Variants in AMZ1 observed in about 807,000 individuals in gnomAD.
AMZ1 encodes the protein archaelysin family metallopeptidase 1.
AMZ1 carries 39 observed loss-of-function variants against 29.9 expected under a neutral mutation model. The observed-to-expected ratio is 1.30, with a 90% CI of 1.01 to 1.70. AMZ1 has a LOEUF of 1.70. AMZ1 is among the 40% of genes most tolerant of loss of function. The pLI is 0.00. For missense variants in AMZ1, 1,041 were observed against 680.6 expected, an observed-to-expected ratio of 1.53 and a Z score of -5.89; for synonymous variants, 458 against 304.0, an observed-to-expected ratio of 1.51 and a Z score of -5.27.
intron 1 of AMZ1, among the ~76,000 whole-genome samples, chr7:2,682,883 G>A (rs1786935456): frequency 6.6e-6 from 1 of 152,210 alleles, no homozygotes; most frequent in African/African-American, 2.4e-5. Flanking sequence ...CCTTCCACCT[G>A]GCACACCCCC....
At chr7:2,681,962 C>T (rs1306772308) in intron 1 of AMZ1, among the ~76,000 whole-genome samples, 10 of 152,048 alleles carry the variant, frequency 6.6e-5, no homozygotes, top group Non-Finnish European at 7.4e-5. Context: ...GCCCAAACAG[C>T]GGAGGAGGGG....
At chr7:2,762,368 C>G (rs955688141), upstream of AMZ1, 1 of 426,112 alleles carries the variant, frequency 2.3e-6, no homozygotes, top group Admixed American at 4.5e-5. Context: ...AATCCAGACA[C>G]GGTATGGCGG....
At chr7:2,685,672 G>A (rs964020571), upstream of AMZ1, among the ~76,000 whole-genome samples, 2 of 151,810 alleles carry the variant, frequency 1.3e-5, no homozygotes, top group African/African-American at 2.4e-5. Context: ...GGCCAACATG[G>A]TGAAACCCCA....
Position 2,700,384 on chromosome 7 carries a change from C to T in AMZ1, c.-68C>T. 1.3e-6 allele frequency: 2 copies of T among 1,530,812 alleles called. No individual in the cohort carries two copies. The highest frequency in any genetic ancestry group is 1.8e-6 in the Non-Finnish European group (2 of 1,139,400). The allele number at this position is 1,530,812 out of a possible 1,614,324, so 94.8% of individuals were successfully genotyped here. ...GGGAAGATTCTGGACGAGACCGTGG[C>T]CGTCCCCCGGGTGGCCCATGGACAG... On this transcript the variant is annotated 5_prime_UTR_variant, in exon 2 of 7. Transcript: ENST00000683327.
At chr7:2,710,004 C>A (rs897278477) in intron 6 of AMZ1, among the ~76,000 whole-genome samples, 188 bp downstream of exon 6, 2 of 152,198 alleles carry the variant, frequency 1.3e-5, no homozygotes, top group Admixed American at 1.3e-4. Flanking sequence ...GGCAGTAGAT[C>A]GAGTCCTGCC....
intron 4 of AMZ1, among the ~76,000 whole-genome samples, chr7:2,738,053 A>G (rs1790297424): frequency 6.6e-6 from 1 of 152,186 alleles, no homozygotes; most frequent in African/African-American, 2.4e-5. Context: ...ATTCATATAC[A>G]TTAGAAAAAG....
chr7:2,738,064 G>A (rs1331867448), intron 4 of AMZ1, among the ~76,000 whole-genome samples: 3 of 152,126 alleles, frequency 2.0e-5, no homozygotes, highest in Non-Finnish European at 4.4e-5. Flanking sequence ...TTAGAAAAAG[G>A]AAGCTTTTCA....
At chr7:2,684,994 T>C (rs527477868), upstream of AMZ1, among the ~76,000 whole-genome samples, 2,145 of 151,264 alleles carry the variant, frequency 0.014, 40 homozygotes, top group African/African-American at 0.049. Context: ...CTCAGCCTCC[T>C]GAGTAGCTGG....
rs1173272626 is a variant in AMZ1, at chr7:2,718,416, C to T, written c.*5538C>T. 7.9e-5 allele frequency among the ~76,000 whole-genome samples: 12 copies of T among 152,316 alleles called. No homozygotes were observed. Among genetic ancestry groups the T allele is most frequent in the Admixed American group, 5.9e-4 (9 of 15,302 alleles). ...CCATCTCCCGTTCAAGGGCCCTCAC[C>T]GCGCTTTGTGAGTCTGTCTCGTGGG... On this transcript the variant is annotated 3_prime_UTR_variant, in exon 7 of 7. Transcript: ENST00000683327.
At chr7:2,751,200 A>C (rs1672372881) in intron 4 of AMZ1, among the ~76,000 whole-genome samples, 1 of 152,032 alleles carries the variant, frequency 6.6e-6, no homozygotes, top group South Asian at 2.1e-4. Flanking sequence ...CCTGGGCAAC[A>C]TGGTAAAACC....
intron 4 of AMZ1, among the ~76,000 whole-genome samples, chr7:2,737,642 G>A (rs1012563740): frequency 2.0e-5 from 3 of 152,270 alleles, no homozygotes; most frequent in Non-Finnish European, 4.4e-5. Context: ...CTAAAGCGGG[G>A]TCATTCACAC....
At chr7:2,759,183 AT>A (rs1334886123) in intron 4 of AMZ1, among the ~76,000 whole-genome samples, 15 of 149,380 alleles carry the variant, frequency 1.0e-4, no homozygotes, top group South Asian at 8.3e-4. Flanking sequence ...AAATAAATAA[AT>A]AAATAAAATA....
upstream of AMZ1, among the ~76,000 whole-genome samples, chr7:2,763,661 C>G (rs1249276556): frequency 1.3e-5 from 2 of 152,246 alleles, no homozygotes; most frequent in East Asian, 3.8e-4. Flanking sequence ...GGACAAGCAT[C>G]TAAGGAAGAT....
chr7:2,735,042 G>A (rs1790094807), intron 4 of AMZ1, among the ~76,000 whole-genome samples: 2 of 152,172 alleles, frequency 1.3e-5, no homozygotes, highest in Non-Finnish European at 2.9e-5. Flanking sequence ...AAGTCCCCCC[G>A]GTCCTCTGCA....
chr7:2,757,666 T>C (rs1791368342), intron 4 of AMZ1, among the ~76,000 whole-genome samples: 1 of 152,200 alleles, frequency 6.6e-6, no homozygotes, highest in Non-Finnish European at 1.5e-5. Context: ...CGTTTTAAGT[T>C]GCTAATTGGT....
Position 2,680,719 on chromosome 7 carries a change from A to G in AMZ1, c.-219+1048A>G, listed in dbSNP as rs1410197763. 1.3e-5 allele frequency among the ~76,000 whole-genome samples: 2 copies of G among 152,208 alleles called. 1 individual carries two copies. Among genetic ancestry groups the G allele is most frequent in the African/African-American group, 4.8e-5 (2 of 41,456 alleles). Reference sequence around the variant, plus strand: ...TGGGTTCAGCCTCCTCGTGCTGGCCACAGAGTTGGGGCCCCTCACGTGCCT... The same window carrying G: ...TGGGTTCAGCCTCCTCGTGCTGGCCGCAGAGTTGGGGCCCCTCACGTGCCT... On this transcript the variant is annotated intron_variant, in intron 1 of 6. Coordinates refer to the AMZ1 transcript ENST00000312371.
At position 2,717,390 on chromosome 7, in the gene AMZ1, G is replaced by T. The variant is rs755007312; in HGVS notation, c.*4512G>T. On this transcript the variant is annotated 3_prime_UTR_variant, in exon 7 of 7. Coordinates refer to ENST00000683327, the MANE Select transcript of AMZ1 (RefSeq NM_001384743.1). ...CCTCTAAGCTGGCTTTGCAGCTCCA[G>T]TAAGAGTGAGAGACTCACGGGGGCC... Among the ~76,000 whole-genome samples, 1 of 152,196 alleles carries T rather than the reference G, an allele frequency of 6.6e-6. No individual in the cohort carries two copies. The highest frequency in any genetic ancestry group is 1.5e-5 in the Non-Finnish European group (1 of 68,044).
At position 2,708,583 on chromosome 7, in the gene AMZ1, C is replaced by G. The variant is rs377680143; in HGVS notation, c.473-5C>G. 8.7e-6 allele frequency: 14 copies of G among 1,612,106 alleles called. No homozygotes were observed. Among genetic ancestry groups the G allele is most frequent in the Middle Eastern group, 1.7e-4 (1 of 6,018 alleles). On this transcript the variant is annotated splice_region_variant and splice_polypyrimidine_tract_variant and intron_variant, in intron 3 of 6. Coordinates refer to ENST00000683327, the MANE Select transcript of AMZ1 (RefSeq NM_001384743.1). ...TGACCCCATCCTCTGGCCCTCTCCC[C>G]GCAGACGGCATCCTGTCCTTCTTGA...
At chr7:2,755,430 C>T (rs77431958) in intron 4 of AMZ1, among the ~76,000 whole-genome samples, 1,752 of 152,240 alleles carry the variant, frequency 0.012, 35 homozygotes, top group African/African-American at 0.039. Flanking sequence ...TTGAGTGTTT[C>T]GTGCTTCTTA....
Sources: allele counts gnomAD v4.1 joint callset (sites outside exome capture counted in the v4.1 genomes callset), GRCh38; gene constraint gnomAD v4.1.1; transcripts MANE v1.5; gene names NCBI Gene and HGNC (gene_info 2026-07-23, HGNC 2026-07-21).